The following NCALD variants were observed in gnomAD, a reference collection of about 807,000 sequenced individuals.
The protein encoded by NCALD is neurocalcin-delta.
NCALD carries 10 observed loss-of-function variants against 18.6 expected under a neutral mutation model. The observed-to-expected ratio is 0.54, with a 90% confidence interval of 0.33 to 0.91. The LOEUF (loss-of-function observed/expected upper bound fraction) is 0.91. Ranked by LOEUF, NCALD falls within the 40% of genes least tolerant of loss-of-function variation. The probability of loss-of-function intolerance (pLI) is 0.03; values close to 1 mark genes in which losing one functional copy is unlikely to be tolerated. For missense variants in NCALD, 184 were observed against 247.6 expected (o/e 0.74, Z 1.72); for synonymous variants, 88 against 87.4 (o/e 1.01, Z -0.04).
intron 2 of NCALD, chr8:101,693,235 C>A (rs1814818270): frequency 5.1e-6 from 1 of 195,654 alleles, no homozygotes; most frequent in African/African-American, 2.4e-5. Flanking sequence ...ACTGCAGGCT[C>A]CATTTCATAG....
chr8:102,049,839 T>C lies in NCALD; in HGVS notation c.-209-29550A>G, dbSNP rs142269825. Among the ~76,000 whole-genome samples, 10 of 152,292 alleles carry C rather than the reference T, an allele frequency of 6.6e-5. No individual in the cohort carries two copies. The South Asian group carries it at 1.7e-3, about 25-fold the overall frequency. The stretch of plus-strand genomic sequence containing the variant: ...GTATCTCTTCTTTGGTGAGGTATCT[T>C]TTCAGACCTCTTGCCCATTTTTTAA... On this transcript the variant is annotated intron_variant, in intron 1 of 6. Coordinates refer to the NCALD transcript ENST00000311028.
rs1814797901 is a variant in NCALD at position 101,692,895 on chromosome 8, G to T, written c.380C>A (p.Ala127Glu). ...SKAEMLEIVQ[A>E]IYKMVSSVMK... Reference sequence around the variant, plus strand: ...TACAGAGGAAACCATCTTATAGATTGCCTGGGGACAGAAGCGACATGGTGG... The same window carrying T: ...TACAGAGGAAACCATCTTATAGATTTCCTGGGGACAGAAGCGACATGGTGG... The change falls in exon 3 of 4, where the codon GCA (alanine) becomes GAA (glutamate). Residue 127 changes from alanine (A) to glutamate (E), a missense_variant and splice_region_variant. Ala to Glu is a moderately radical substitution (Grantham distance 107). Transcript: ENST00000220931. 6.2e-7 allele frequency: 1 copy of T among 1,610,510 alleles called. No homozygotes were observed. Among genetic ancestry groups the T allele is most frequent in the Non-Finnish European group, 8.5e-7 (1 of 1,176,774 alleles).
At chr8:101,896,758 T>C (rs1219465370) in intron 3 of NCALD, among the ~76,000 whole-genome samples, 1 of 130,610 alleles carries the variant, frequency 7.7e-6, no homozygotes, top group African/African-American at 3.6e-5. Context: ...AAAAAACACA[T>C]GAAAAAATGC....
intron 1 of NCALD, among the ~76,000 whole-genome samples, chr8:102,122,479 G>C (rs979357647): frequency 6.6e-6 from 1 of 152,186 alleles, no homozygotes; most frequent in Non-Finnish European, 1.5e-5. Context: ...AAAGCAATTG[G>C]AACAATTCAG....
chr8:101,691,456 T>C (rs1563655956), intron 3 of NCALD: 1 of 985,174 alleles, frequency 1.0e-6, no homozygotes, highest in African/African-American at 1.7e-5. Flanking sequence ...GCTTTAGGGC[T>C]TTATCCTGTG....
At position 101,692,900 on chromosome 8, in the gene NCALD, G is replaced by C. The variant is rs745594200; in HGVS notation, c.379-4C>G. ...AGGAAACCATCTTATAGATTGCCTG[G>C]GGACAGAAGCGACATGGTGGTAAGA... On this transcript the variant is annotated splice_region_variant and splice_polypyrimidine_tract_variant and intron_variant, in intron 2 of 3. Transcript: ENST00000220931. The C allele has an allele frequency of 8.1e-6, 13 of 1,606,248 alleles. No individual in the cohort carries two copies. The highest frequency in any genetic ancestry group is 1.0e-5 in the Non-Finnish European group (12 of 1,173,112).
intron 1 of NCALD, among the ~76,000 whole-genome samples, chr8:101,759,044 G>C (rs1214831536): frequency 6.6e-6 from 1 of 152,116 alleles, no homozygotes; most frequent in African/African-American, 2.4e-5. Context: ...TCATTTATAG[G>C]AACCTGGCAT....
chr8:101,911,361 C>CTTT (rs56017823), intron 3 of NCALD, among the ~76,000 whole-genome samples: 4 of 137,704 alleles, frequency 2.9e-5, no homozygotes, highest in African/African-American at 8.0e-5. Flanking sequence ...TTTTTCTTTT[C>CTTT]TTTTTTTTTT....
chr8:101,819,665 C>T (rs577741953), intron 4 of NCALD, among the ~76,000 whole-genome samples: 1 of 152,240 alleles, frequency 6.6e-6, no homozygotes, highest in Non-Finnish European at 1.5e-5. Flanking sequence ...ACTCATCCCT[C>T]ATATATATCT....
chr8:101,768,021 CT>C (rs1261432647), intron 1 of NCALD, among the ~76,000 whole-genome samples: 1 of 152,200 alleles, frequency 6.6e-6, no homozygotes, highest in Non-Finnish European at 1.5e-5. Flanking sequence ...GTTATCATCT[CT>C]GTTTTTCAGA....
chr8:101,701,165 G>A (rs1335135879), intron 2 of NCALD, among the ~76,000 whole-genome samples: 1 of 152,118 alleles, frequency 6.6e-6, no homozygotes, highest in African/African-American at 2.4e-5. Flanking sequence ...CCTTCCCACG[G>A]CATCAACAAC....
intron 4 of NCALD, among the ~76,000 whole-genome samples, chr8:101,801,913 G>A (rs1254068321): frequency 3.3e-5 from 5 of 151,740 alleles, no homozygotes; most frequent in Non-Finnish European, 1.5e-5. Flanking sequence ...TGATCCGCCC[G>A]CCTCGGCCTC....
At chr8:101,978,447 C>T (rs550866546) in intron 2 of NCALD, among the ~76,000 whole-genome samples, 1 of 152,142 alleles carries the variant, frequency 6.6e-6, no homozygotes, top group Non-Finnish European at 1.5e-5. Flanking sequence ...ATGAATTCTG[C>T]AAGGTGAAGA....
chr8:102,053,827 A>G (rs1823534893), intron 1 of NCALD, among the ~76,000 whole-genome samples: 2 of 152,242 alleles, frequency 1.3e-5, no homozygotes, highest in South Asian at 2.1e-4. Flanking sequence ...TAAAATATAT[A>G]TAAGGAAGCT....
intron 1 of NCALD, among the ~76,000 whole-genome samples, chr8:102,075,818 G>A (rs888367131): frequency 4.6e-5 from 7 of 151,848 alleles, no homozygotes; most frequent in African/African-American, 4.8e-5. Context: ...CCAAGCACGG[G>A]GGTGAGCACC....
chr8:101,818,668 G>A (rs1813597379), intron 4 of NCALD, among the ~76,000 whole-genome samples: 1 of 152,114 alleles, frequency 6.6e-6, no homozygotes. Context: ...TTGCCACAGA[G>A]TTCAGTTGCT....
intron 1 of NCALD, among the ~76,000 whole-genome samples, chr8:101,773,714 G>C (rs1811678342): frequency 6.6e-6 from 1 of 152,296 alleles, no homozygotes; most frequent in South Asian, 2.1e-4. Context: ...TGAGACTAGA[G>C]TTGAATATTC....
At chr8:101,696,485 A>T (rs1814997705) in intron 2 of NCALD, among the ~76,000 whole-genome samples, 1 of 152,162 alleles carries the variant, frequency 6.6e-6, no homozygotes, top group South Asian at 2.1e-4. Context: ...TAAATAAATC[A>T]GGGGTGAGCA....
intron 2 of NCALD, among the ~76,000 whole-genome samples, chr8:102,001,550 G>T (rs1462259346): frequency 6.6e-6 from 1 of 152,160 alleles, no homozygotes; most frequent in Non-Finnish European, 1.5e-5. Context: ...TCCTCGAGAA[G>T]AGCAACTCCA....
Sources: allele counts gnomAD v4.1 joint callset (sites outside exome capture counted in the v4.1 genomes callset), GRCh38; gene constraint gnomAD v4.1.1; transcripts MANE v1.5; gene names NCBI Gene and HGNC (gene_info 2026-07-23, HGNC 2026-07-21).